Variants in WDFY1 observed in about 807,000 individuals in gnomAD.
WDFY1 encodes WD repeat and FYVE domain containing 1.
A neutral mutation model predicts 56.4 loss-of-function variants in WDFY1; 32 were observed. The ratio of observed to expected loss-of-function variants is 0.57; its 90% CI spans 0.43 to 0.76. The LOEUF (loss-of-function observed/expected upper bound fraction) is 0.76, where lower values mean the gene tolerates loss of function less well. WDFY1 is among the 30% of genes least tolerant of loss of function. The pLI is 0.00. For synonymous variants in WDFY1, 192 were observed against 197.3 expected, an observed-to-expected ratio of 0.97 and a Z score of 0.23; for missense variants, 480 against 545.7, an observed-to-expected ratio of 0.88 and a Z score of 1.20.
At chr2:223,894,579 G>A (rs1202166951) in intron 7 of WDFY1, 2 of 484,834 alleles carry the variant, frequency 4.1e-6, no homozygotes, top group Non-Finnish European at 7.5e-6. Flanking sequence ...AAGAATTGTA[G>A]GCCAGAGATT....
At chr2:223,896,109 T>C (rs373307813) in intron 6 of WDFY1, among the ~76,000 whole-genome samples, 1 of 118,914 alleles carries the variant, frequency 8.4e-6, no homozygotes. Context: ...TGAGCCAAGA[T>C]AGCACCACTG....
At position 223,944,008 on chromosome 2, in the gene WDFY1, G is replaced by C. The variant is rs80221178; in HGVS notation, c.137+1140C>G. Among the ~76,000 whole-genome samples, 16 of 152,260 alleles carry C rather than the reference G, an allele frequency of 1.1e-4. 1 individual carries two copies. In the East Asian group the frequency reaches 3.1e-3, roughly 29 times the overall value. ...TTTTAGTTATTAGTTTACTCTGTCT[G>C]GTGAGTAATGTTAGTTTTCCTAATA... On this transcript the variant is annotated intron_variant, in intron 1 of 11. Coordinates refer to ENST00000233055, the MANE Select transcript of WDFY1 (RefSeq NM_020830.5).
chr2:223,943,233 C>T (rs1001778360), intron 1 of WDFY1, among the ~76,000 whole-genome samples: 1 of 151,544 alleles, frequency 6.6e-6, no homozygotes, highest in African/African-American at 2.4e-5. Flanking sequence ...TTTTCAGGTC[C>T]CCACCTTCTC....
At chr2:223,906,063 C>T (rs622896) in intron 3 of WDFY1, 62 bp from the exon 4 acceptor site, 1,245,305 of 1,334,672 alleles carry the variant, frequency 0.93, 585,699 homozygotes, top group South Asian at 0.97. Context: ...ACAACAGAAA[C>T]TTGACTTTCA....
chr2:223,883,328 G>A (rs1201670917), intron 9 of WDFY1, among the ~76,000 whole-genome samples: 1 of 152,186 alleles, frequency 6.6e-6, no homozygotes, highest in Non-Finnish European at 1.5e-5. Context: ...TATTATTACT[G>A]ATTTTGACAT....
At chr2:223,929,665 G>C (rs1315847789) in intron 1 of WDFY1, among the ~76,000 whole-genome samples, 1 of 152,128 alleles carries the variant, frequency 6.6e-6, no homozygotes, top group Non-Finnish European at 1.5e-5. Context: ...AAAAAATAAA[G>C]ATTCATGAAA....
intron 2 of WDFY1, 36 bp downstream of exon 2, chr2:223,917,907 G>C: frequency 1.2e-6 from 2 of 1,609,628 alleles, no homozygotes; most frequent in Non-Finnish European, 1.7e-6. Context: ...AAACATTAGA[G>C]ACATTTCTCT....
intron 2 of WDFY1, among the ~76,000 whole-genome samples, chr2:223,914,686 A>G (rs1321114805): frequency 1.3e-5 from 2 of 152,252 alleles, no homozygotes; most frequent in Non-Finnish European, 2.9e-5. Flanking sequence ...AATTCCAATG[A>G]CAAGCAATCA....
chr2:223,886,270 C>T (rs1420592387), intron 8 of WDFY1, among the ~76,000 whole-genome samples: 4 of 151,880 alleles, frequency 2.6e-5, no homozygotes, highest in African/African-American at 7.3e-5. Flanking sequence ...ACCCAGGAGG[C>T]GGAGGTTGCA....
At position 223,877,110 on chromosome 2, in the gene WDFY1, T is replaced by C. The variant is rs1692984809; in HGVS notation, c.*1561A>G. On this transcript the variant is annotated 3_prime_UTR_variant, in exon 12 of 12. Coordinates refer to ENST00000233055, the MANE Select transcript of WDFY1 (RefSeq NM_020830.5). ...CTATGTTTAATGCAGATCATTCCAGTACATGATGTGCGTGACCCCCTTTCC... is the reference window on the plus strand; with the variant it reads ...CTATGTTTAATGCAGATCATTCCAGCACATGATGTGCGTGACCCCCTTTCC... The C allele has an allele frequency of 6.6e-6, 1 of 152,198 alleles. No homozygotes were observed. The highest frequency in any genetic ancestry group is 2.1e-4 in the South Asian group (1 of 4,832). The allele number at this position is 152,198 out of a possible 1,614,324, so 9.4% of individuals were successfully genotyped here.
At chr2:223,890,041 T>A (rs560637081) in intron 8 of WDFY1, among the ~76,000 whole-genome samples, 41 of 152,336 alleles carry the variant, frequency 2.7e-4, no homozygotes, top group South Asian at 8.3e-4. Context: ...TGTATCCCTA[T>A]GCTCCACACA....
At chr2:223,908,660 G>A (rs955318999) in intron 3 of WDFY1, among the ~76,000 whole-genome samples, 2 of 152,002 alleles carry the variant, frequency 1.3e-5, no homozygotes, top group African/African-American at 4.8e-5. Flanking sequence ...TCTAGTTCAC[G>A]GCAGCCACCG....
intron 1 of WDFY1, among the ~76,000 whole-genome samples, chr2:223,926,053 C>G (rs552636598): frequency 1.4e-4 from 21 of 152,316 alleles, no homozygotes; most frequent in Non-Finnish European, 2.6e-4. Context: ...TGAATGTTCT[C>G]AATGACATCT....
chr2:223,917,337 A>C (rs2106092042), intron 2 of WDFY1, among the ~76,000 whole-genome samples: 1 of 152,240 alleles, frequency 6.6e-6, no homozygotes, highest in South Asian at 2.1e-4. Flanking sequence ...TAAAGGACAA[A>C]GTTACTACTA....
chr2:223,940,249 G>A (rs536249955), intron 1 of WDFY1, among the ~76,000 whole-genome samples: 31 of 152,286 alleles, frequency 2.0e-4, no homozygotes, highest in Non-Finnish European at 4.1e-4. Flanking sequence ...AACCTGGGAG[G>A]CAGAGGTTGC....
At chr2:223,917,903 T>A in intron 2 of WDFY1, 40 bp downstream of exon 2, 1 of 1,608,974 alleles carries the variant, frequency 6.2e-7, no homozygotes, top group Non-Finnish European at 8.5e-7. Flanking sequence ...TCAAAAACAT[T>A]AGAGACATTT....
intron 1 of WDFY1, among the ~76,000 whole-genome samples, chr2:223,932,567 C>T (rs879291815): frequency 1.3e-5 from 2 of 152,122 alleles, no homozygotes; most frequent in Non-Finnish European, 2.9e-5. Flanking sequence ...CTCAAAAACA[C>T]ACCCTAATCA....
At chr2:223,917,911 T>C (rs774778556) in intron 2 of WDFY1, 32 bp downstream of exon 2, 49 of 1,609,490 alleles carry the variant, frequency 3.0e-5, no homozygotes, top group Non-Finnish European at 3.9e-5. Context: ...ATTAGAGACA[T>C]TTCTCTCAAA....
intron 11 of WDFY1, among the ~76,000 whole-genome samples, chr2:223,879,221 A>G (rs547195708): frequency 1.3e-5 from 2 of 152,368 alleles, no homozygotes; most frequent in Admixed American, 1.3e-4. Flanking sequence ...AAAACAATGT[A>G]GTTCACTAAA....
Sources: allele counts gnomAD v4.1 joint callset (sites outside exome capture counted in the v4.1 genomes callset), GRCh38; gene constraint gnomAD v4.1.1; transcripts MANE v1.5; gene names NCBI Gene and HGNC (gene_info 2026-07-23, HGNC 2026-07-21).